UBXN8: variants seen among roughly 807,000 people sequenced by gnomAD.
UBXN8 encodes UBX domain protein 8.
UBXN8 carries 27 observed loss-of-function variants against 32.1 expected under a neutral mutation model. The observed-to-expected ratio is 0.84, with a 90% confidence interval of 0.62 to 1.16. UBXN8 has a LOEUF of 1.16. Among genes scored for constraint, UBXN8 ranks in the 50% most tolerant of loss-of-function variants. The probability of loss-of-function intolerance (pLI) is 0.00; values close to 1 mark genes in which losing one functional copy is unlikely to be tolerated. For missense variants in UBXN8, 306 were observed against 311.4 expected (o/e 0.98, Z 0.13); for synonymous variants, 109 against 111.8 (o/e 0.98, Z 0.16).
upstream of UBXN8, among the ~76,000 whole-genome samples, chr8:30,740,327 G>T (rs966377266): frequency 5.4e-5 from 8 of 148,768 alleles, no homozygotes; most frequent in Non-Finnish European, 1.5e-5. Context: ...ATCATATGAA[G>T]TATGTGAAGG....
intron 1 of UBXN8, among the ~76,000 whole-genome samples, chr8:30,733,503 C>A (rs1469447685): frequency 6.6e-6 from 1 of 152,186 alleles, no homozygotes; most frequent in Non-Finnish European, 1.5e-5. Flanking sequence ...AGGACACCAG[C>A]GAGCTTCCAC....
chr8:30,744,479 T>C (rs1805308150), intron 1 of UBXN8: 1 of 614,888 alleles, frequency 1.6e-6, no homozygotes, highest in African/African-American at 1.8e-5. Flanking sequence ...GTTTTACGTG[T>C]AAGAGGGTAG....
chr8:30,760,443 A>ATAT (rs1196366158), intron 5 of UBXN8, among the ~76,000 whole-genome samples: 10,042 of 91,048 alleles, frequency 0.11, 836 homozygotes, highest in Non-Finnish European at 0.15. Flanking sequence ...ATATATATAT[A>ATAT]TTTTTTTTTT....
intron 1 of UBXN8, among the ~76,000 whole-genome samples, chr8:30,737,371 AATCT>A (rs1805089439): frequency 2.0e-5 from 3 of 152,170 alleles, no homozygotes; most frequent in Non-Finnish European, 4.4e-5. Context: ...AATGGAGGGC[AATCT>A]GCTTACTCAG....
chr8:30,739,273 G>GCA (rs2128752134), upstream of UBXN8, among the ~76,000 whole-genome samples: 1 of 151,098 alleles, frequency 6.6e-6, no homozygotes, highest in African/African-American at 2.4e-5. Flanking sequence ...GGCCGGGTAT[G>GCA]GTGGCTCACG....
At chr8:30,762,020 C>G (rs1805847021) in intron 6 of UBXN8, among the ~76,000 whole-genome samples, 1 of 150,658 alleles carries the variant, frequency 6.6e-6, no homozygotes, top group Non-Finnish European at 1.5e-5. Flanking sequence ...GAAGGAGAAC[C>G]TACTTCTTGG....
chr8:30,749,405 T>TAAAAAAAA (rs60710943), intron 1 of UBXN8, among the ~76,000 whole-genome samples: 1 of 136,268 alleles, frequency 7.3e-6, no homozygotes, highest in African/African-American at 2.9e-5. Flanking sequence ...AAAAAAAAAA[T>TAAAAAAAA]AAAATAAATA....
At chr8:30,729,417 GTA>G (rs998631264), upstream of UBXN8, among the ~76,000 whole-genome samples, 31 of 152,244 alleles carry the variant, frequency 2.0e-4, no homozygotes, top group African/African-American at 7.5e-4. Flanking sequence ...CGGCGTGCCT[GTA>G]CTGGCACTTT....
chr8:30,748,468 G>GAA (rs538718073), intron 1 of UBXN8, among the ~76,000 whole-genome samples: 1 of 90,416 alleles, frequency 1.1e-5, no homozygotes, highest in African/African-American at 4.2e-5. Context: ...CCATCTGAAA[G>GAA]AAAAAAAAAA....
At chr8:30,738,639 C>T (rs1245541531) in intron 1 of UBXN8, among the ~76,000 whole-genome samples, 80 of 124,978 alleles carry the variant, frequency 6.4e-4, no homozygotes, top group Non-Finnish European at 9.7e-4. Flanking sequence ...CCAGCCTGGG[C>T]GACAGCCTCC....
chr8:30,761,953 G>A (rs1002450045), intron 6 of UBXN8, among the ~76,000 whole-genome samples: 2 of 151,776 alleles, frequency 1.3e-5, no homozygotes, highest in African/African-American at 4.8e-5. Flanking sequence ...ACTTCCTAAT[G>A]TATGGGGAGC....
chr8:30,754,486 C>G (rs1338783262), intron 3 of UBXN8, 179 bp from the exon 4 acceptor site: 2 of 731,280 alleles, frequency 2.7e-6, no homozygotes, highest in Non-Finnish European at 2.3e-6. Context: ...ATGCCTGTCC[C>G]GCTTGCTGTC....
chr8:30,749,581 G>A (rs1355929115), intron 1 of UBXN8, among the ~76,000 whole-genome samples: 1 of 148,604 alleles, frequency 6.7e-6, no homozygotes, highest in Non-Finnish European at 1.5e-5. Context: ...CATAGAACTA[G>A]AATTTGACAC....
intron 1 of UBXN8, among the ~76,000 whole-genome samples, chr8:30,735,288 C>T (rs1405339344): frequency 6.6e-6 from 1 of 152,170 alleles, no homozygotes; most frequent in Non-Finnish European, 1.5e-5. Flanking sequence ...ATTCTGAAGG[C>T]CTAACTCAGA....
chr8:30,754,450 G>T (rs1336843110), intron 3 of UBXN8: 6 of 630,456 alleles, frequency 9.5e-6, no homozygotes, highest in Non-Finnish European at 1.5e-5. Flanking sequence ...GGTTGATACT[G>T]TCATAATCAG....
upstream of UBXN8, among the ~76,000 whole-genome samples, chr8:30,739,299 C>G (rs10099235): frequency 6.6e-6 from 1 of 150,964 alleles, no homozygotes; most frequent in African/African-American, 2.4e-5. Flanking sequence ...AATCCCAGCA[C>G]TTTGGGAGGC....
In UBXN8 at chr8:30,760,553, C is replaced by T. The variant is rs1301699262; in HGVS notation, c.529-335C>T. 4.0e-5 allele frequency among the ~76,000 whole-genome samples: 6 copies of T among 149,466 alleles called. 1 individual carries two copies. The South Asian group carries it at 6.3e-4, about 16-fold the overall frequency. Reference sequence around the variant, plus strand: ...TCAGCCTCCTGAGTTGCTGGGATTACGGACATGAGCCACTGCATCTGGCTT... The same window carrying T: ...TCAGCCTCCTGAGTTGCTGGGATTATGGACATGAGCCACTGCATCTGGCTT... On this transcript the variant is annotated intron_variant, in intron 5 of 7. Transcript: ENST00000265616.
rs183915376 is a variant in UBXN8, at chr8:30,746,672, A to G, written c.88+2395A>G. Among the ~76,000 whole-genome samples, 831 of 137,640 alleles carry G rather than the reference A, an allele frequency of 6.0e-3. 154 individuals carry two copies. Among genetic ancestry groups the G allele is most frequent in the African/African-American group, 0.021 (740 of 35,158 alleles). 90.3% of individuals were successfully genotyped at this position (137,640 alleles called of 152,430 possible). On this transcript the variant is annotated intron_variant, in intron 1 of 7. Transcript: ENST00000265616. ...TGAGTAGCTGGGACTACAGGCATGCACCACCATGCCCGACTAATTTTTTTG... is the reference window on the plus strand; with the variant it reads ...TGAGTAGCTGGGACTACAGGCATGCGCCACCATGCCCGACTAATTTTTTTG...
rs532409862 is a variant in UBXN8, at chr8:30,737,981, G to A, written c.622+4673G>A. Among the ~76,000 whole-genome samples, 184 of 152,116 alleles carry A rather than the reference G, an allele frequency of 1.2e-3. 1 individual carries two copies. Among genetic ancestry groups the A allele is most frequent in the African/African-American group, 4.0e-3 (164 of 41,488 alleles). On this transcript the variant is annotated intron_variant, in intron 1 of 1. Transcript: ENST00000522968. The stretch of plus-strand genomic sequence containing the variant: ...GCTTTTAGAAGAAAATATAGAGGCC[G>A]GGCACGGTGGCTCATGCCTGTTATC...
Sources: gnomAD v4.1 joint callset for allele counts (sites outside exome capture counted in the v4.1 genomes callset) on GRCh38, gnomAD v4.1.1 for gene constraint, MANE v1.5 for transcripts, NCBI Gene and HGNC (gene_info 2026-07-23, HGNC 2026-07-21) for gene names.